ACSL1: variants seen among roughly 807,000 people sequenced by gnomAD.
ACSL1 encodes the protein long-chain-fatty-acid--CoA ligase 1.
ACSL1 carries 41 observed loss-of-function variants against 98.4 expected under a neutral mutation model. The ratio of observed to expected loss-of-function variants is 0.42; its 90% confidence interval spans 0.32 to 0.54. The LOEUF is 0.54. ACSL1 is among the 20% of genes least tolerant of loss of function. The pLI, the probability that ACSL1 is intolerant of heterozygous loss-of-function variation, is 0.13. For synonymous variants in ACSL1, 316 were observed against 322.7 expected (o/e 0.98, Z 0.22); for missense variants, 734 against 883.1 (o/e 0.83, Z 2.14).
chr4:184,813,743 G>A, intron 1 of ACSL1: 1 of 425,376 alleles, frequency 2.4e-6, no homozygotes, highest in South Asian at 1.6e-5. Flanking sequence ...AAGCCCTGAA[G>A]CAAGAGACCA....
upstream of ACSL1, chr4:184,826,053 G>C (rs940062436): frequency 5.7e-4 from 84 of 146,440 alleles, no homozygotes; most frequent in African/African-American, 2.0e-3. Context: ...CACCGCCGCG[G>C]CTGAGCCAGG....
intron 5 of ACSL1, among the ~76,000 whole-genome samples, chr4:184,778,695 G>A (rs141852955): frequency 1.5e-3 from 222 of 152,324 alleles, no homozygotes; most frequent in African/African-American, 5.1e-3. Flanking sequence ...CCCCAACACA[G>A]TGTCTGACAT....
intron 1 of ACSL1, chr4:184,808,248 C>T: frequency 1.1e-6 from 1 of 908,786 alleles, no homozygotes; most frequent in Non-Finnish European, 1.3e-6. Context: ...CATACACACA[C>T]ACACACACAC....
intron 1 of ACSL1, among the ~76,000 whole-genome samples, chr4:184,807,049 T>C (rs1433239682): frequency 1.3e-5 from 2 of 152,176 alleles, no homozygotes; most frequent in African/African-American, 2.4e-5. Context: ...CTTGGGGTAT[T>C]TAAAAATGGA....
chr4:184,758,275 A>G (rs1762382939), intron 18 of ACSL1: 1 of 210,452 alleles, frequency 4.8e-6, no homozygotes, highest in Non-Finnish European at 9.6e-6. Context: ...AAAAAAAAGG[A>G]AAAAAAGGAA....
At chr4:184,799,475 T>A (rs1444550161) in intron 2 of ACSL1, among the ~76,000 whole-genome samples, 1 of 152,168 alleles carries the variant, frequency 6.6e-6, no homozygotes, top group African/African-American at 2.4e-5. Context: ...GACTCTGTTT[T>A]TATTTTACCT....
chr4:184,798,072 G>A (rs955762264), intron 2 of ACSL1, among the ~76,000 whole-genome samples: 5 of 152,188 alleles, frequency 3.3e-5, no homozygotes, highest in Admixed American at 1.3e-4. Context: ...GAGATCGTTT[G>A]GTGTGGAATT....
At chr4:184,794,131 C>T (rs887345359) in intron 2 of ACSL1, among the ~76,000 whole-genome samples, 1 of 152,222 alleles carries the variant, frequency 6.6e-6, no homozygotes, top group Non-Finnish European at 1.5e-5. Context: ...GCGCCAACCG[C>T]GTCCTTCTCA....
chr4:184,778,585 C>A (rs908474243), intron 5 of ACSL1, among the ~76,000 whole-genome samples: 5 of 152,162 alleles, frequency 3.3e-5, no homozygotes, highest in African/African-American at 1.2e-4. Context: ...TTCTGCCCTG[C>A]GCCCACACTT....
Position 184,803,394 on chromosome 4 carries a change from T to A in ACSL1, c.121A>T (p.Thr41Ser). The A allele has an allele frequency of 6.2e-7, 1 of 1,613,548 alleles. No homozygotes were observed. The change falls in exon 2 of 21, where the codon ACC (threonine) becomes TCC (serine). Residue 41 changes from threonine (T) to serine (S), a missense_variant. Physicochemically the swap from Thr to Ser is moderately conservative, Grantham distance 58. Transcript: ENST00000281455. The surrounding 1 kb of genome is among the most constrained non-coding windows in gnomAD (Gnocchi z 4.8). ...TTGGGTCTCGTGGCGTACCAGAAGG[T>A]GGTGAGTGCTGCAAAAGCTCCGAAG... The part of the protein sequence containing the change: ...MGFGAFAALT[T>S]FWYATRPKPL...
intron 2 of ACSL1, among the ~76,000 whole-genome samples, chr4:184,802,080 C>T (rs1425948783): frequency 6.6e-6 from 1 of 152,218 alleles, no homozygotes; most frequent in East Asian, 1.9e-4. Flanking sequence ...CATTCCCCAG[C>T]CTATGTGATT....
chr4:184,791,247 G>C (rs1768302967), intron 2 of ACSL1, among the ~76,000 whole-genome samples: 1 of 152,238 alleles, frequency 6.6e-6, no homozygotes, highest in Non-Finnish European at 1.5e-5. Context: ...TGAATGGGCA[G>C]ATGGGGATAA....
intron 1 of ACSL1, among the ~76,000 whole-genome samples, chr4:184,815,438 C>G (rs1772540644): frequency 6.6e-6 from 1 of 152,142 alleles, no homozygotes; most frequent in Non-Finnish European, 1.5e-5. Flanking sequence ...CGCCCTCACC[C>G]AGTGGGTGTT....
At chr4:184,780,268 A>C in intron 5 of ACSL1, 64 bp downstream of exon 5, 1 of 1,356,922 alleles carries the variant, frequency 7.4e-7, no homozygotes, top group Non-Finnish European at 1.0e-6. Flanking sequence ...TCTCTAGCAG[A>C]AGTTAGGCTC....
intron 1 of ACSL1, among the ~76,000 whole-genome samples, chr4:184,807,761 C>T (rs1442806309): frequency 1.3e-5 from 2 of 151,862 alleles, no homozygotes; most frequent in Non-Finnish European, 2.9e-5. Flanking sequence ...CTTATCTGAA[C>T]ATCACAAAAG....
chr4:184,815,341 C>T (rs1013283439), intron 1 of ACSL1, among the ~76,000 whole-genome samples: 29 of 152,138 alleles, frequency 1.9e-4, no homozygotes, highest in Admixed American at 4.6e-4. Context: ...GTAAGGCAAC[C>T]GTCAGGAGCC....
chr4:184,788,250 T>C (rs891209876), intron 3 of ACSL1: 1 of 360,580 alleles, frequency 2.8e-6, no homozygotes, highest in African/African-American at 2.1e-5. Flanking sequence ...ATGTCAGTAT[T>C]TCTTTCTCAA....
intron 1 of ACSL1, among the ~76,000 whole-genome samples, chr4:184,809,158 T>C (rs1349823828): frequency 6.6e-6 from 1 of 152,228 alleles, no homozygotes; most frequent in Non-Finnish European, 1.5e-5. Flanking sequence ...CTGATTTTAT[T>C]AATCTGACTT....
rs373696103 is a variant in ACSL1 at position 184,757,227 on chromosome 4, G to A, written c.1995C>T (p.Ile665=). 55 of 1,607,362 alleles carry A rather than the reference G, an allele frequency of 3.4e-5. 1 individual carries two copies. The East Asian group carries it at 6.7e-4, about 20-fold the overall frequency. The change falls in exon 21 of 21, where the codon ATC becomes ATT. Residue 665 remains isoleucine (I), a synonymous_variant. Transcript: ENST00000281455. The surrounding 1 kb of genome is among the most constrained non-coding windows in gnomAD (Gnocchi z 4.5). The part of the protein sequence containing the change: ...GITLHPELFS[I]DNGLLTPTMK... ...TTGTTGGAGTCAGAAGGCCATTGTC[G>A]ATAGAAAATAATTCAGGGTGCAATG...
Sources: allele counts gnomAD v4.1 joint callset (sites outside exome capture counted in the v4.1 genomes callset), GRCh38; gene constraint gnomAD v4.1.1; non-coding constraint Gnocchi (gnomAD v3.1); transcripts MANE v1.5; gene names NCBI Gene and HGNC (gene_info 2026-07-23, HGNC 2026-07-21).